Variants in PRR16 observed in about 807,000 individuals in gnomAD.
The protein encoded by PRR16 is protein Largen.
A neutral mutation model predicts 18.2 loss-of-function variants in PRR16; 6 were observed. That is an observed-to-expected ratio of 0.33 (90% CI 0.18 to 0.65). The LOEUF (loss-of-function observed/expected upper bound fraction) is 0.65. PRR16 is among the 30% of genes least tolerant of loss of function. The pLI is 0.74. For missense variants in PRR16, 412 were observed against 376.6 expected (o/e 1.09, Z -0.78); for synonymous variants, 151 against 147.8 (o/e 1.02, Z -0.16).
chr5:120,471,254 A>G (rs1325280108), intron 1 of PRR16, among the ~76,000 whole-genome samples: 1 of 152,182 alleles, frequency 6.6e-6, no homozygotes, highest in East Asian at 1.9e-4. Context: ...TTCAACAAAA[A>G]TGTTGATAAG....
At chr5:120,596,772 C>T (rs976276097) in intron 1 of PRR16, among the ~76,000 whole-genome samples, 6 of 151,128 alleles carry the variant, frequency 4.0e-5, no homozygotes, top group African/African-American at 7.3e-5. Flanking sequence ...TGCATTTTTT[C>T]TGTATTTATG....
chr5:120,763,652 C>T, the PRR16 span, among the ~76,000 whole-genome samples: 1 of 151,888 alleles, frequency 6.6e-6, no homozygotes, highest in African/African-American at 2.4e-5. Context: ...ATAGTATGGT[C>T]GTTTTAACAA....
intron 1 of PRR16, among the ~76,000 whole-genome samples, chr5:120,492,725 A>G (rs1475192206): frequency 6.6e-6 from 1 of 152,066 alleles, no homozygotes; most frequent in African/African-American, 2.4e-5. Context: ...GACATCGCCC[A>G]TGAGTCCCCA....
the PRR16 span, among the ~76,000 whole-genome samples, chr5:120,760,680 C>A: frequency 6.6e-6 from 1 of 152,058 alleles, no homozygotes; most frequent in African/African-American, 2.4e-5. Context: ...CACATTAGAC[C>A]TTTGTGTAGA....
the PRR16 span, among the ~76,000 whole-genome samples, chr5:120,704,625 A>C: frequency 6.6e-6 from 1 of 152,150 alleles, no homozygotes; most frequent in Non-Finnish European, 1.5e-5. Context: ...CTCCCTAAAC[A>C]TCAGAATCAC....
At chr5:120,586,159 G>A (rs563825844) in intron 1 of PRR16, among the ~76,000 whole-genome samples, 75 of 145,078 alleles carry the variant, frequency 5.2e-4, no homozygotes, top group African/African-American at 1.6e-3. Flanking sequence ...GCAACAGAGC[G>A]AGACTCCATC....
intron 1 of PRR16, among the ~76,000 whole-genome samples, chr5:120,633,348 G>A (rs1288183076): frequency 6.6e-6 from 1 of 152,094 alleles, no homozygotes; most frequent in Non-Finnish European, 1.5e-5. Flanking sequence ...ACAGCATGAT[G>A]AATAGAATAG....
the PRR16 span, among the ~76,000 whole-genome samples, chr5:120,785,236 T>C: frequency 6.6e-6 from 1 of 152,180 alleles, no homozygotes; most frequent in Non-Finnish European, 1.5e-5. Flanking sequence ...TTTCTAACTC[T>C]GCAAAGTGAC....
intron 1 of PRR16, among the ~76,000 whole-genome samples, chr5:120,519,431 A>G (rs1353805956): frequency 5.9e-5 from 9 of 152,254 alleles, no homozygotes; most frequent in South Asian, 2.1e-4. Context: ...AGGAATCTTT[A>G]TATGATAGGC....
the PRR16 span, among the ~76,000 whole-genome samples, chr5:120,771,659 A>AGG: frequency 1.3e-5 from 2 of 152,050 alleles, no homozygotes; most frequent in Non-Finnish European, 2.9e-5. Flanking sequence ...GTGGTGAATG[A>AGG]GGGAGGGGAA....
intron 1 of PRR16, among the ~76,000 whole-genome samples, chr5:120,537,606 T>C (rs1751761899): frequency 7.4e-6 from 1 of 134,976 alleles, no homozygotes; most frequent in Non-Finnish European, 1.6e-5. Context: ...ATGAGCTGTA[T>C]TTGGCCAAGC....
At chr5:120,546,833 C>A (rs1752088380) in intron 1 of PRR16, among the ~76,000 whole-genome samples, 1 of 151,914 alleles carries the variant, frequency 6.6e-6, no homozygotes, top group African/African-American at 2.4e-5. Context: ...TAAAAGAAAG[C>A]AATGTTATTA....
intron 1 of PRR16, among the ~76,000 whole-genome samples, chr5:120,573,980 G>GA (rs543372108): frequency 4.7e-4 from 72 of 151,638 alleles, no homozygotes; most frequent in African/African-American, 1.6e-3. Context: ...AAAGTGAACA[G>GA]AAAAACATTA....
the PRR16 span, among the ~76,000 whole-genome samples, chr5:120,760,574 A>C: frequency 6.6e-6 from 1 of 152,062 alleles, no homozygotes; most frequent in Non-Finnish European, 1.5e-5. Flanking sequence ...TGCTTCTTTC[A>C]TATCCCCTTA....
the PRR16 span, among the ~76,000 whole-genome samples, chr5:120,769,714 GAT>G: frequency 6.6e-6 from 1 of 151,796 alleles, no homozygotes; most frequent in Non-Finnish European, 1.5e-5. Flanking sequence ...AATTCATTTG[GAT>G]ATATGCCCAG....
rs552061198 is a variant in PRR16, at chr5:120,490,272, G to C, written c.159+25627G>C. Among the ~76,000 whole-genome samples the C allele has an allele frequency of 1.1e-4, 16 of 152,246 alleles. No individual in the cohort carries two copies. The South Asian group carries it at 3.3e-3, about 32-fold the overall frequency. Reference sequence around the variant, plus strand: ...TTTCCATCTTGGTTCCATTCTCCCCGTCACTTTCATGTACCGCAATCGGAT... The same window carrying C: ...TTTCCATCTTGGTTCCATTCTCCCCCTCACTTTCATGTACCGCAATCGGAT... On this transcript the variant is annotated intron_variant, in intron 1 of 1. Transcript: ENST00000407149.
At chr5:120,617,286 CA>C (rs1436999705) in intron 1 of PRR16, 66 of 535,134 alleles carry the variant, frequency 1.2e-4, no homozygotes, top group Non-Finnish European at 1.6e-4. Flanking sequence ...ATTTGTAATT[CA>C]AAATATATGT....
chr5:120,622,393 T>C (rs1372247605), intron 1 of PRR16, among the ~76,000 whole-genome samples: 1 of 152,132 alleles, frequency 6.6e-6, no homozygotes, highest in Non-Finnish European at 1.5e-5. Flanking sequence ...TTCATTACTC[T>C]AATATTGTCT....
At chr5:120,470,936 C>T (rs1432677880) in intron 1 of PRR16, among the ~76,000 whole-genome samples, 2 of 152,016 alleles carry the variant, frequency 1.3e-5, no homozygotes, top group Non-Finnish European at 2.9e-5. Flanking sequence ...TCTTAGAAGT[C>T]AAGGATCTAA....
Sources: allele counts gnomAD v4.1 joint callset (sites outside exome capture counted in the v4.1 genomes callset), GRCh38; gene constraint gnomAD v4.1.1; transcripts MANE v1.5; gene names NCBI Gene and HGNC (gene_info 2026-07-23, HGNC 2026-07-21).